Variants in MRPL58 observed in about 807,000 individuals in gnomAD.
The protein encoded by MRPL58 is mitochondrial ribosomal protein L58.
In MRPL58, 17 loss-of-function variants were observed where a neutral mutation model predicts 26.0. The observed-to-expected ratio is 0.65, with a 90% CI of 0.45 to 0.98. The LOEUF (loss-of-function observed/expected upper bound fraction) is 0.98. MRPL58 is among the 50% of genes least tolerant of loss of function. The pLI is 0.00. For missense variants in MRPL58, 250 were observed against 269.0 expected (o/e 0.93, Z 0.49); for synonymous variants, 100 against 99.7 (o/e 1.00, Z -0.02).
intron 3 of MRPL58, 103 bp downstream of exon 3, chr17:75,019,862 C>G: frequency 1.2e-6 from 1 of 844,706 alleles, no homozygotes; most frequent in Non-Finnish European, 1.8e-6. Context: ...GATTTTTCAG[C>G]AGAAGCTTTA....
At position 75,021,193 on chromosome 17, in the gene MRPL58, GGCA is replaced by G; in HGVS notation, c.*190_*192del. The G allele has an allele frequency of 1.7e-6, 1 of 589,686 alleles. No homozygotes were observed. Among genetic ancestry groups the G allele is most frequent in the Non-Finnish European group, 3.1e-6 (1 of 323,880 alleles). 36.5% of individuals were successfully genotyped at this position (589,686 alleles called of 1,614,324 possible). ...GGCACTGGTTGCAGACGTCTTTATA[GGCA>G]GTCACCATGTTGTCAAACCTTAATA... On this transcript the variant is annotated 3_prime_UTR_variant, in exon 6 of 6. Transcript: ENST00000301585.
intron 2 of MRPL58, chr17:75,018,677 A>G (rs1392387926): frequency 6.6e-6 from 1 of 152,146 alleles, no homozygotes; most frequent in Non-Finnish European, 1.5e-5. Context: ...GAGAGACAAG[A>G]GTGAAAGACA....
chr17:75,019,129 CA>C (rs57738832), intron 2 of MRPL58, among the ~76,000 whole-genome samples: 52,432 of 138,338 alleles, frequency 0.38, 9,354 homozygotes, highest in Admixed American at 0.46. Context: ...GACCCTGTCT[CA>C]AAAAAAAAAA....
chr17:75,016,769 G>A (rs1014445282), intron 1 of MRPL58, among the ~76,000 whole-genome samples: 1 of 152,238 alleles, frequency 6.6e-6, no homozygotes, highest in Non-Finnish European at 1.5e-5. Context: ...GAGGTTCCCT[G>A]ATGCATGTGC....
chr17:75,012,974 C>CGACCATCACG, intron 1 of MRPL58, 102 bp downstream of exon 1: 2 of 1,113,228 alleles, frequency 1.8e-6, no homozygotes, highest in Non-Finnish European at 2.6e-6. Context: ...CGTCGGGGGG[C>CGACCATCACG]TACGTGATGG....
In MRPL58 at chr17:75,017,112, T is replaced by G; in HGVS notation, c.221T>G (p.Leu74Arg). The change falls in exon 2 of 6, where the codon CTA becomes CGA. Residue 74 changes from leucine to arginine, a missense_variant and splice_region_variant. Transcript: ENST00000301585. ...GAKQADSDIP[L>R]DRLTISYCRS... ...AAGCAAGCCGACAGTGACATCCCTC[T>G]AGGTAAGTAATTTTGTTTTCTTAAA... The G allele has an allele frequency of 6.2e-7, 1 of 1,611,452 alleles. No homozygotes were observed. Among genetic ancestry groups the G allele is most frequent in the Non-Finnish European group, 8.5e-7 (1 of 1,177,572 alleles).
intron 3 of MRPL58, 164 bp from the exon 4 acceptor site, chr17:75,020,149 C>G: frequency 1.7e-6 from 1 of 601,292 alleles, no homozygotes; most frequent in South Asian, 2.1e-5. Flanking sequence ...AAAAGTGCCT[C>G]ACTGTCTTTG....
intron 2 of MRPL58, among the ~76,000 whole-genome samples, chr17:75,018,906 C>G (rs1241346094): frequency 6.6e-6 from 1 of 152,104 alleles, no homozygotes; most frequent in Non-Finnish European, 1.5e-5. Context: ...GACCACAACC[C>G]AAGGGACAGG....
intron 1 of MRPL58, among the ~76,000 whole-genome samples, chr17:75,015,596 C>T (rs2039967302): frequency 6.6e-6 from 1 of 151,990 alleles, no homozygotes; most frequent in Non-Finnish European, 1.5e-5. Context: ...TTAAAAGTTG[C>T]TAAGAGCTAG....
At chr17:75,016,015 C>A (rs891495081) in intron 1 of MRPL58, among the ~76,000 whole-genome samples, 13 of 150,828 alleles carry the variant, frequency 8.6e-5, no homozygotes. Flanking sequence ...CAACTCCTGA[C>A]TTGAAGTGAT....
In MRPL58 at chr17:75,020,390, A is replaced by G; in HGVS notation, c.361A>G (p.Ile121Val). Reference protein sequence around the residue: ...IAEPVRQKIAITHKNKINRLG... With the variant: ...IAEPVRQKIAVTHKNKINRLG... ...GGAGCCCGTGCGGCAGAAGATAGCC[A>G]TCACGGTAACCACCATCCCTTTCTT... Residue 121 changes from isoleucine (I) to valine (V), a missense_variant, in exon 4 of 6, where the codon ATC becomes GTC. Coordinates refer to ENST00000301585, the MANE Select transcript of MRPL58 (RefSeq NM_001545.3). The G allele has an allele frequency of 2.5e-6, 4 of 1,614,180 alleles. No individual in the cohort carries two copies. Among genetic ancestry groups the G allele is most frequent in the Non-Finnish European group, 3.4e-6 (4 of 1,179,984 alleles).
intron 3 of MRPL58, 135 bp from the exon 4 acceptor site, chr17:75,020,178 A>T: frequency 1.4e-6 from 1 of 709,906 alleles, no homozygotes; most frequent in Non-Finnish European, 2.4e-6. Context: ...TTCATAGCCA[A>T]CTTGGACATA....
chr17:75,013,939 T>C (rs1264789620), intron 1 of MRPL58, among the ~76,000 whole-genome samples: 1 of 152,126 alleles, frequency 6.6e-6, no homozygotes, highest in Non-Finnish European at 1.5e-5. Flanking sequence ...CAGAATGGAA[T>C]TATCTTAGTT....
intron 2 of MRPL58, among the ~76,000 whole-genome samples, chr17:75,018,255 G>A (rs556581523): frequency 1.3e-5 from 2 of 148,484 alleles, no homozygotes; most frequent in African/African-American, 5.0e-5. Flanking sequence ...TCTTTGAGAT[G>A]GAGTCTCGCT....
At chr17:75,015,191 A>AC (rs2039964124) in intron 1 of MRPL58, among the ~76,000 whole-genome samples, 1 of 152,200 alleles carries the variant, frequency 6.6e-6, no homozygotes, top group Non-Finnish European at 1.5e-5. Context: ...GGTGTCAAAA[A>AC]CAGGCTATTT....
At chr17:75,019,960 C>A (rs764901024) in intron 3 of MRPL58, among the ~76,000 whole-genome samples, 1 of 151,970 alleles carries the variant, frequency 6.6e-6, no homozygotes, top group African/African-American at 2.4e-5. Flanking sequence ...GGACTAGGAT[C>A]GGCTTGTGAG....
At chr17:75,019,246 T>C in intron 2 of MRPL58, among the ~76,000 whole-genome samples, 1 of 152,156 alleles carries the variant, frequency 6.6e-6, no homozygotes, top group Admixed American at 6.5e-5. Flanking sequence ...GACAGCCTCC[T>C]AGGGGGAGAC....
Position 75,021,220 on chromosome 17 carries a change from T to A in MRPL58, c.*215T>A. 1 of 566,912 alleles carries A rather than the reference T, an allele frequency of 1.8e-6. No homozygotes were observed. Among genetic ancestry groups the A allele is most frequent in the Non-Finnish European group, 3.2e-6 (1 of 312,128 alleles). The allele number at this position is 566,912 out of a possible 1,614,324, so 35.1% of individuals were successfully genotyped here. A position where few individuals can be genotyped will look rare whatever the true frequency, so the allele number is the denominator to read the frequency against. ...CAGTCACCATGTTGTCAAACCTTAA[T>A]AATGCACCTCATGTATTAGTCACAA... On this transcript the variant is annotated 3_prime_UTR_variant, in exon 6 of 6. Coordinates refer to ENST00000301585, the MANE Select transcript of MRPL58 (RefSeq NM_001545.3).
chr17:75,020,810 A>G (rs1195488418), intron 5 of MRPL58, 111 bp from the exon 6 acceptor site: 2 of 1,181,514 alleles, frequency 1.7e-6, no homozygotes, highest in Non-Finnish European at 2.5e-6. Flanking sequence ...CCTGCGGGCT[A>G]GTGCCTGCTG....
Sources: allele counts gnomAD v4.1 joint callset (sites outside exome capture counted in the v4.1 genomes callset), GRCh38; gene constraint gnomAD v4.1.1; transcripts MANE v1.5; gene names NCBI Gene and HGNC (gene_info 2026-07-23, HGNC 2026-07-21).